CACNA2D3: variants seen among roughly 807,000 people sequenced by gnomAD.
CACNA2D3 encodes the protein voltage-dependent calcium channel subunit alpha-2/delta-3.
CACNA2D3 carries 60 observed loss-of-function variants against 160.6 expected under a neutral mutation model. The observed-to-expected ratio is 0.37, with a 90% CI of 0.30 to 0.46. CACNA2D3 has a LOEUF of 0.46. Ranked by LOEUF, CACNA2D3 falls within the 20% of genes least tolerant of loss-of-function variation. The pLI is 1.00. For missense variants in CACNA2D3, 1,205 were observed against 1,365.0 expected, an observed-to-expected ratio of 0.88 and a Z score of 1.85; for synonymous variants, 558 against 492.9, an observed-to-expected ratio of 1.13 and a Z score of -1.75.
At chr3:54,450,047 C>T (rs900928379) in intron 4 of CACNA2D3, among the ~76,000 whole-genome samples, 6 of 151,228 alleles carry the variant, frequency 4.0e-5, no homozygotes, top group Non-Finnish European at 7.4e-5. Flanking sequence ...ACTTTTCTCA[C>T]CCGTTGTAAG....
chr3:54,135,743 A>AG (rs1699802713), intron 2 of CACNA2D3, among the ~76,000 whole-genome samples: 1 of 152,116 alleles, frequency 6.6e-6, no homozygotes, highest in Non-Finnish European at 1.5e-5. Context: ...CCTGAGCCTG[A>AG]CCTACTCATT....
intron 2 of CACNA2D3, among the ~76,000 whole-genome samples, chr3:54,124,801 CTG>C (rs1293392169): frequency 2.6e-5 from 4 of 152,344 alleles, no homozygotes; most frequent in African/African-American, 9.6e-5. Context: ...TTGCTCAACT[CTG>C]TTGTTTGGGA....
chr3:55,004,997 C>T (rs552780919), intron 32 of CACNA2D3, among the ~76,000 whole-genome samples, 159 bp downstream of exon 32: 13 of 151,860 alleles, frequency 8.6e-5, no homozygotes, highest in South Asian at 2.1e-4. Flanking sequence ...CACTTCAGGC[C>T]GGGCGCGGCA....
intron 2 of CACNA2D3, among the ~76,000 whole-genome samples, chr3:54,144,732 A>G (rs973073652): frequency 2.6e-5 from 4 of 152,226 alleles, no homozygotes; most frequent in Admixed American, 1.3e-4. Context: ...TTAGTTTGCT[A>G]AGGGAAAAAT....
intron 8 of CACNA2D3, among the ~76,000 whole-genome samples, chr3:54,571,695 AT>A (rs2106722470): frequency 6.8e-6 from 1 of 146,442 alleles, no homozygotes; most frequent in East Asian, 2.0e-4. Flanking sequence ...AATAACACAC[AT>A]CACATCTATT....
intron 11 of CACNA2D3, among the ~76,000 whole-genome samples, chr3:54,732,557 G>A (rs1381206839): frequency 6.6e-6 from 1 of 152,214 alleles, no homozygotes; most frequent in Non-Finnish European, 1.5e-5. Context: ...TTTGGGGATA[G>A]CAATGGAAGG....
chr3:54,720,945 A>G (rs1229289024), intron 11 of CACNA2D3, among the ~76,000 whole-genome samples: 1 of 152,204 alleles, frequency 6.6e-6, no homozygotes, highest in Non-Finnish European at 1.5e-5. Context: ...TAATTATTGT[A>G]TAATTTAATC....
intron 14 of CACNA2D3, among the ~76,000 whole-genome samples, chr3:54,821,379 A>G (rs62254515): frequency 0.037 from 5,664 of 152,246 alleles, 126 homozygotes; most frequent in Middle Eastern, 0.061. Flanking sequence ...CCTTGAACAA[A>G]CACAGCAGGG....
At chr3:54,984,472 C>G in intron 29 of CACNA2D3, 136 bp from the exon 30 acceptor site, 1 of 642,322 alleles carries the variant, frequency 1.6e-6, no homozygotes, top group Non-Finnish European at 2.7e-6. Flanking sequence ...CAGGCTTTTG[C>G]AATTGCCTGA....
At chr3:54,725,298 G>A (rs907831771) in intron 11 of CACNA2D3, among the ~76,000 whole-genome samples, 3 of 152,122 alleles carry the variant, frequency 2.0e-5, no homozygotes, top group Non-Finnish European at 4.4e-5. Context: ...AGAAGTCCAG[G>A]ACCAGACGGA....
intron 4 of CACNA2D3, among the ~76,000 whole-genome samples, chr3:54,432,133 C>G (rs1269528000): frequency 6.6e-6 from 1 of 152,038 alleles, no homozygotes; most frequent in Non-Finnish European, 1.5e-5. Flanking sequence ...CTGCAGAATG[C>G]TTTGTATTTT....
At chr3:54,326,506 T>C (rs1704124598) in intron 3 of CACNA2D3, among the ~76,000 whole-genome samples, 1 of 152,248 alleles carries the variant, frequency 6.6e-6, no homozygotes, top group Admixed American at 6.5e-5. Context: ...TGAATACTTC[T>C]GGTTTAAAAA....
intron 9 of CACNA2D3, among the ~76,000 whole-genome samples, chr3:54,591,567 G>GTTTTTTTT (rs397755008): frequency 8.2e-6 from 1 of 121,374 alleles, no homozygotes; most frequent in Non-Finnish European, 1.7e-5. Context: ...GTTGAAAAAA[G>GTTTTTTTT]TTTTTTTTTT....
chr3:54,729,111 T>A (rs1287150838), intron 11 of CACNA2D3, among the ~76,000 whole-genome samples: 1 of 152,142 alleles, frequency 6.6e-6, no homozygotes, highest in East Asian at 1.9e-4. Context: ...CTGTTTCCTG[T>A]TTGGCTTTCA....
chr3:55,053,235 A>G lies in CACNA2D3; in HGVS notation c.2988-20210A>G, dbSNP rs183902079. Among the ~76,000 whole-genome samples the G allele has an allele frequency of 9.2e-5, 14 of 152,090 alleles. No homozygotes were observed. In the East Asian group the frequency reaches 2.7e-3, roughly 29 times the overall value. On this transcript the variant is annotated intron_variant, in intron 35 of 37. Coordinates refer to ENST00000474759, the MANE Select transcript of CACNA2D3 (RefSeq NM_018398.3). ...ATGAGCTTGTATTTTCTAGAATTTT[A>G]TGTAAATGGAATCATACAGTATGTA...
chr3:54,792,385 T>C (rs915812444), intron 13 of CACNA2D3, among the ~76,000 whole-genome samples: 2 of 152,212 alleles, frequency 1.3e-5, no homozygotes, highest in Admixed American at 6.5e-5. Context: ...TATGTTGACA[T>C]AGTGAATCAG....
intron 35 of CACNA2D3, among the ~76,000 whole-genome samples, chr3:55,038,884 A>G (rs1342815202): frequency 1.6e-5 from 2 of 124,996 alleles, no homozygotes; most frequent in Admixed American, 7.4e-5. Flanking sequence ...ATATATATAT[A>G]TATATATATA....
At chr3:54,284,154 TTAAGC>T (rs775332282) in intron 2 of CACNA2D3, among the ~76,000 whole-genome samples, 4 of 152,186 alleles carry the variant, frequency 2.6e-5, no homozygotes, top group Admixed American at 1.3e-4. Context: ...GTTAAAATAT[TTAAGC>T]TAATGCTAAA....
chr3:54,143,114 T>G (rs1166147475), intron 2 of CACNA2D3, among the ~76,000 whole-genome samples: 1 of 152,226 alleles, frequency 6.6e-6, no homozygotes, highest in African/African-American at 2.4e-5. Flanking sequence ...CACACACTGG[T>G]TATACCAGCA....
Sources: gnomAD v4.1 joint callset for allele counts (sites outside exome capture counted in the v4.1 genomes callset) on GRCh38, gnomAD v4.1.1 for gene constraint, MANE v1.5 for transcripts, NCBI Gene and HGNC (gene_info 2026-07-23, HGNC 2026-07-21) for gene names.